The following MAPK10 variants were observed in gnomAD, a reference collection of about 807,000 sequenced individuals.
MAPK10 encodes mitogen-activated protein kinase 10.
MAPK10 carries 25 observed loss-of-function variants against 59.3 expected under a neutral mutation model. The observed-to-expected ratio is 0.42, with a 90% confidence interval of 0.31 to 0.59. MAPK10 has a LOEUF of 0.59. MAPK10 is among the 20% of genes least tolerant of loss of function. MAPK10 has a pLI of 0.15. For synonymous variants in MAPK10, 190 were observed against 200.5 expected (o/e 0.95, Z 0.44); for missense variants, 351 against 568.9 (o/e 0.62, Z 3.90).
chr4:86,281,507 AAAAT>A (rs2148798933), intron 2 of MAPK10, among the ~76,000 whole-genome samples: 1 of 55,340 alleles, frequency 1.8e-5, no homozygotes, highest in South Asian at 5.2e-4. Context: ...CTCAAAATAA[AAAAT>A]AAAATAAAAT....
intron 9 of MAPK10, chr4:86,090,481 A>G (rs1167522937): frequency 6.6e-6 from 1 of 152,148 alleles, no homozygotes; most frequent in East Asian, 1.9e-4. Flanking sequence ...AAGCATACCC[A>G]AAGAAGCAAA....
intron 9 of MAPK10, among the ~76,000 whole-genome samples, chr4:86,098,033 T>C (rs2054566649): frequency 6.6e-6 from 1 of 152,164 alleles, no homozygotes; most frequent in Non-Finnish European, 1.5e-5. Flanking sequence ...ATATGCTATA[T>C]TGACCTGTTA....
chr4:86,044,498 C>T, intron 11 of MAPK10: 1 of 368,632 alleles, frequency 2.7e-6, no homozygotes, highest in East Asian at 3.9e-5. Flanking sequence ...AGTTATGTTT[C>T]ATTTGTATAG....
rs1247406276 is a variant in MAPK10 at position 86,012,678 on chromosome 4, G to A, written c.*4550C>T. On this transcript the variant is annotated 3_prime_UTR_variant, in exon 14 of 14. Transcript: ENST00000641462. ...AGGAAAGGGTGTGAGAAAGAACACAGAAATGACTTGAACGATTTCAAATCC... is the reference window on the plus strand; with the variant it reads ...AGGAAAGGGTGTGAGAAAGAACACAAAAATGACTTGAACGATTTCAAATCC... 1.3e-5 allele frequency: 2 copies of A among 152,184 alleles called. No individual in the cohort carries two copies. The highest frequency in any genetic ancestry group is 2.9e-5 in the Non-Finnish European group (2 of 68,032). 9.4% of individuals were successfully genotyped at this position (152,184 alleles called of 1,614,324 possible).
At chr4:86,067,572 A>G (rs2046999762) in intron 10 of MAPK10, among the ~76,000 whole-genome samples, 1 of 152,196 alleles carries the variant, frequency 6.6e-6, no homozygotes, top group Non-Finnish European at 1.5e-5. Flanking sequence ...GTGATGGGTT[A>G]TGCTAATTGC....
intron 1 of MAPK10, among the ~76,000 whole-genome samples, chr4:86,416,367 GA>G (rs1487745803): frequency 1.3e-5 from 2 of 152,240 alleles, no homozygotes; most frequent in Non-Finnish European, 2.9e-5. Flanking sequence ...ATGGCAGCCT[GA>G]GCAGACTGAC....
In MAPK10 at chr4:86,103,244, T is replaced by C; in HGVS notation, c.367A>G (p.Ile123Val). The change falls in exon 6 of 14, where the codon ATT (isoleucine) becomes GTT (valine). Residue 123 changes from isoleucine (I) to valine (V), a missense_variant and splice_region_variant. Ile to Val is a conservative substitution (Grantham distance 29). Coordinates refer to ENST00000641462, the MANE Select transcript of MAPK10 (RefSeq NM_138982.4). ...VLMKCVNHKN[I>V]ISLLNVFTPQ... Reference sequence around the variant, plus strand: ...GTGAAGACATTTAATAAACTAATAATCTGAAAGAGAGTGGAAGGGACAGAG... The same window carrying C: ...GTGAAGACATTTAATAAACTAATAACCTGAAAGAGAGTGGAAGGGACAGAG... The C allele has an allele frequency of 6.5e-7, 1 of 1,533,800 alleles. No homozygotes were observed. Among genetic ancestry groups the C allele is most frequent in the Non-Finnish European group, 9.0e-7 (1 of 1,106,670 alleles).
intron 4 of MAPK10, chr4:86,119,427 C>T (rs1157219210): frequency 6.6e-6 from 1 of 152,094 alleles, no homozygotes; most frequent in Non-Finnish European, 1.5e-5. Flanking sequence ...GAAACACCGT[C>T]TCTACTAAAA....
intron 9 of MAPK10, chr4:86,081,231 C>A (rs1312230891): frequency 6.6e-6 from 1 of 151,698 alleles, no homozygotes; most frequent in Non-Finnish European, 1.5e-5. Context: ...CACACATACA[C>A]AAAAAAATCA....
At chr4:86,578,287 T>C (rs1328025434) in intron 1 of MAPK10, among the ~76,000 whole-genome samples, 1 of 152,192 alleles carries the variant, frequency 6.6e-6, no homozygotes, top group Non-Finnish European at 1.5e-5. Flanking sequence ...AATCATTATC[T>C]GGCACAAAAT....
At chr4:86,021,653 A>G (rs1008571450) in intron 13 of MAPK10, among the ~76,000 whole-genome samples, 20 of 152,324 alleles carry the variant, frequency 1.3e-4, no homozygotes, top group Admixed American at 9.8e-4. Flanking sequence ...GCCATGGAGC[A>G]GGGGGTGGTG....
chr4:86,564,868 C>G lies in MAPK10; in HGVS notation c.-263+29042G>C, dbSNP rs192129961. On this transcript the variant is annotated intron_variant, in intron 1 of 4. Transcript: ENST00000502302. ...ACGCAATAGAGTATTTGCTTAGGCT[C>G]GTGGAACAATCTGCATTTATTCAAG... Among the ~76,000 whole-genome samples, 34 of 152,136 alleles carry G rather than the reference C, an allele frequency of 2.2e-4. 1 individual carries two copies. The highest frequency in any genetic ancestry group is 8.2e-4 in the African/African-American group (34 of 41,504).
chr4:86,360,184 C>A (rs17011821), upstream of MAPK10: 4,510 of 985,856 alleles, frequency 4.6e-3, 144 homozygotes, highest in African/African-American at 0.071. Flanking sequence ...AAAGAGGAAG[C>A]GTCTATGTGC....
intron 9 of MAPK10, among the ~76,000 whole-genome samples, chr4:86,076,317 C>T (rs905794943): frequency 3.3e-5 from 5 of 152,152 alleles, no homozygotes; most frequent in Admixed American, 2.0e-4. Context: ...GAGATGCACC[C>T]GGTACCTCAG....
At chr4:86,311,629 A>C (rs1484798932) in intron 2 of MAPK10, among the ~76,000 whole-genome samples, 1 of 152,116 alleles carries the variant, frequency 6.6e-6, no homozygotes, top group African/African-American at 2.4e-5. Flanking sequence ...AGAAATGGTG[A>C]GACTCTTTAT....
intron 1 of MAPK10, among the ~76,000 whole-genome samples, chr4:86,404,780 T>A (rs183930366): frequency 7.6e-4 from 116 of 152,082 alleles, no homozygotes; most frequent in African/African-American, 2.7e-3. Flanking sequence ...ATGTTGAGAG[T>A]CTTGGTTTCG....
Position 86,359,682 on chromosome 4 carries a change from C to T in MAPK10, c.-146G>A. 4.1e-6 allele frequency: 4 copies of T among 985,858 alleles called. No homozygotes were observed. The highest frequency in any genetic ancestry group is 2.4e-6 in the Non-Finnish European group (2 of 829,956). The allele number at this position is 985,858 out of a possible 1,614,324, so 61.1% of individuals were successfully genotyped here. ...CCATTCCGTGCCTGAGAACTACGAT[C>T]CTGATCCGGCAGTGTTTGCCCCAGA... On this transcript the variant is annotated 5_prime_UTR_variant, in exon 1 of 14. Coordinates refer to ENST00000641462, the MANE Select transcript of MAPK10 (RefSeq NM_138982.4).
chr4:86,532,720 C>T (rs374399441), intron 1 of MAPK10, among the ~76,000 whole-genome samples: 13 of 152,166 alleles, frequency 8.5e-5, no homozygotes, highest in South Asian at 6.2e-4. Context: ...AGAGTCTTTC[C>T]CTCCACTTTT....
At chr4:86,276,233 C>A (rs2094571441) in intron 2 of MAPK10, among the ~76,000 whole-genome samples, 1 of 152,060 alleles carries the variant, frequency 6.6e-6, no homozygotes, top group Non-Finnish European at 1.5e-5. Flanking sequence ...GATTATCACA[C>A]AATGTGTCTA....
Sources: allele counts gnomAD v4.1 joint callset (sites outside exome capture counted in the v4.1 genomes callset), GRCh38; gene constraint gnomAD v4.1.1; transcripts MANE v1.5; gene names NCBI Gene and HGNC (gene_info 2026-07-23, HGNC 2026-07-21).